Variants in EXOSC9 observed in about 807,000 individuals in gnomAD.
EXOSC9 encodes exosome complex component RRP45.
EXOSC9 carries 38 observed loss-of-function variants against 56.5 expected under a neutral mutation model. That is an observed-to-expected ratio of 0.67 (90% confidence interval 0.52 to 0.88). The LOEUF (loss-of-function observed/expected upper bound fraction) is 0.88, where lower values mean the gene tolerates loss of function less well. Among genes scored for constraint, EXOSC9 ranks in the 40% least tolerant of loss-of-function variants. The pLI is 0.00. For synonymous variants in EXOSC9, 170 were observed against 170.8 expected (o/e 0.99, Z 0.04); for missense variants, 559 against 530.5 (o/e 1.05, Z -0.53).
Position 121,801,803 on chromosome 4 carries a change from TAATG to T in EXOSC9, c.67-16_67-13del, listed in dbSNP as rs748012549. On this transcript the variant is annotated intron_variant, in intron 1 of 11. Coordinates refer to ENST00000243498, the MANE Select transcript of EXOSC9 (RefSeq NM_005033.3). ...AGAAATACTTGTTGAAGGAATAAAT[TAATG>T]AATGAATTTGTGCTTACAGCGGCTG... 3.8e-6 allele frequency: 6 copies of T among 1,578,828 alleles called. No individual in the cohort carries two copies. In the Admixed American group the frequency reaches 1.0e-4, roughly 26 times the overall value.
In EXOSC9 at chr4:121,813,369, T is replaced by G; in HGVS notation, c.963T>G (p.Pro321=). ...AAGAAATCATTGCTGAAGCAGAACC[T>G]CCTTCAGAAGTGTATCTTTATTTGG... ...KAEEIIAEAE[P]PSEVVSTPVL... The change falls in exon 9 of 12, where the codon CCT becomes CCG. Residue 321 remains proline, a synonymous_variant. Transcript: ENST00000243498. 1 of 1,613,036 alleles carries G rather than the reference T, an allele frequency of 6.2e-7. No homozygotes were observed. The highest frequency in any genetic ancestry group is 8.5e-7 in the Non-Finnish European group (1 of 1,179,646).
At chr4:121,816,508 T>C in intron 11 of EXOSC9, 61 bp downstream of exon 11, 7 of 1,129,788 alleles carry the variant, frequency 6.2e-6, no homozygotes, top group Non-Finnish European at 8.9e-6. Context: ...AGAGGTTTGC[T>C]CTCTGGTTTT....
rs887677815 is a variant in EXOSC9, at chr4:121,810,206, T to C, written c.738+107T>C. ...TGGGGATACTTCCAGTGATTTATTCTAGGATGTGTTAGAATCTGGTTTCAG... is the reference window on the plus strand; with the variant it reads ...TGGGGATACTTCCAGTGATTTATTCCAGGATGTGTTAGAATCTGGTTTCAG... On this transcript the variant is annotated intron_variant, in intron 7 of 11. Transcript: ENST00000243498. 15 of 975,290 alleles carry C rather than the reference T, an allele frequency of 1.5e-5. No individual in the cohort carries two copies. In the African/African-American group the frequency reaches 2.3e-4, roughly 15 times the overall value. 60.4% of individuals were successfully genotyped at this position (975,290 alleles called of 1,614,324 possible).
At chr4:121,816,525 A>G in intron 11 of EXOSC9, 78 bp downstream of exon 11, 1 of 960,594 alleles carries the variant, frequency 1.0e-6, no homozygotes. Context: ...TTTTACTCTC[A>G]TCTTGCCACA....
chr4:121,816,685 C>T, intron 11 of EXOSC9, 87 bp from the exon 12 acceptor site: 1 of 1,341,082 alleles, frequency 7.5e-7, no homozygotes, highest in Non-Finnish European at 1.0e-6. Flanking sequence ...ATTTTAGATC[C>T]TACTGGAAAA....
rs746091124 is a variant in EXOSC9, at chr4:121,810,054, T to G, written c.693T>G (p.Ile231Met). Residue 231 changes from isoleucine (I) to methionine (M), a missense_variant, in exon 7 of 12, where the codon ATT (isoleucine) becomes ATG (methionine). Transcript: ENST00000243498. ...LVIAMNKHRE[I>M]CTIQSSGGIM... ...TTGCCATGAACAAACATCGAGAGAT[T>G]TGTACTATCCAGTCCAGTGGTGGGA... The G allele has an allele frequency of 6.2e-7, 1 of 1,614,018 alleles. No individual in the cohort carries two copies. Among genetic ancestry groups the G allele is most frequent in the East Asian group, 2.2e-5 (1 of 44,876 alleles).
At chr4:121,802,826 C>T in intron 3 of EXOSC9, 33 bp downstream of exon 3, 2 of 1,613,190 alleles carry the variant, frequency 1.2e-6, no homozygotes, top group Non-Finnish European at 1.7e-6. Context: ...TTGCTTTAGT[C>T]ATAGGAGAAC....
Position 121,802,974 on chromosome 4 carries a change from A to C in EXOSC9, c.341A>C (p.Lys114Thr). Residue 114 changes from lysine (K) to threonine (T), a missense_variant, in exon 4 of 12, where the codon AAG (lysine) becomes ACG (threonine). Physicochemically the swap from Lys to Thr is moderately conservative, Grantham distance 78. Transcript: ENST00000243498. ...ATGGAAAGATGTCTAAGAAATTCGAAGTGTATAGACACTGAGTCTCTCTGT... is the reference window on the plus strand; with the variant it reads ...ATGGAAAGATGTCTAAGAAATTCGACGTGTATAGACACTGAGTCTCTCTGT... ...RLMERCLRNS[K>T]CIDTESLCVV... The C allele has an allele frequency of 6.2e-7, 1 of 1,614,062 alleles. No homozygotes were observed. The highest frequency in any genetic ancestry group is 8.5e-7 in the Non-Finnish European group (1 of 1,179,926).
chr4:121,803,111 C>T (rs973860311), intron 4 of EXOSC9, 94 bp downstream of exon 4: 3 of 889,450 alleles, frequency 3.4e-6, no homozygotes, highest in Non-Finnish European at 5.4e-6. Flanking sequence ...CTTTAGTTAA[C>T]TCAGTATTGT....
Position 121,816,668 on chromosome 4 carries a change from C to G in EXOSC9, c.1236-104C>G, listed in dbSNP as rs1444229895. ...TCTTGGATGCCAGTCTTACTCATAG[C>G]TGACACATTTTAGATCCTACTGGAA... On this transcript the variant is annotated intron_variant, in intron 11 of 11. Coordinates refer to ENST00000243498, the MANE Select transcript of EXOSC9 (RefSeq NM_005033.3). The G allele has an allele frequency of 3.4e-6, 4 of 1,182,656 alleles. No homozygotes were observed. The African/African-American group carries it at 6.4e-5, about 19-fold the overall frequency. The allele number at this position is 1,182,656 out of a possible 1,614,324, so 73.3% of individuals were successfully genotyped here. A position where few individuals can be genotyped will look rare whatever the true frequency, so the allele number is the denominator to read the frequency against.
chr4:121,801,866 A>G lies in EXOSC9; in HGVS notation c.106A>G (p.Arg36Gly). The change falls in exon 2 of 12, where the codon AGG (arginine) becomes GGG (glycine). Residue 36 changes from arginine to glycine, a missense_variant. Transcript: ENST00000243498. ...ACAAACCTATGATTATAGGAACATC[A>G]GGATCTCATTTGGAACAGATTACGG... ...GRQTYDYRNI[R>G]ISFGTDYGCC... 6.2e-7 allele frequency: 1 copy of G among 1,614,090 alleles called. No homozygotes were observed. Among genetic ancestry groups the G allele is most frequent in the African/African-American group, 1.3e-5 (1 of 75,056 alleles).
chr4:121,811,776 C>A, intron 8 of EXOSC9, 105 bp downstream of exon 8: 2 of 502,650 alleles, frequency 4.0e-6, no homozygotes, highest in Non-Finnish European at 3.5e-6. Flanking sequence ...CTTGATTTCA[C>A]ATACAAAGTT....
intron 10 of EXOSC9, chr4:121,815,074 T>C (rs1724441182): frequency 6.6e-6 from 1 of 152,254 alleles, no homozygotes. Context: ...GTTTTTTTAC[T>C]TAAGTAAATA....
rs752296587 is a variant in EXOSC9, at chr4:121,801,881, A to G, written c.121A>G (p.Thr41Ala). The change falls in exon 2 of 12, where the codon ACA becomes GCA. Residue 41 changes from threonine (T) to alanine (A), a missense_variant. By Grantham distance (58) the Thr-to-Ala change is moderately conservative. Coordinates refer to ENST00000243498, the MANE Select transcript of EXOSC9 (RefSeq NM_005033.3). ...DYRNIRISFG[T>A]DYGCCIVELG... ...TAGGAACATCAGGATCTCATTTGGA[A>G]CAGATTACGGATGCTGCATTGTGGA... is the stretch of plus-strand genomic sequence containing the variant. 4.3e-6 allele frequency: 7 copies of G among 1,614,090 alleles called. No individual in the cohort carries two copies. The highest frequency in any genetic ancestry group is 5.1e-6 in the Non-Finnish European group (6 of 1,179,912).
chr4:121,813,435 A>G (rs1238519501), intron 9 of EXOSC9, 55 bp downstream of exon 9: 4 of 1,490,940 alleles, frequency 2.7e-6, no homozygotes, highest in Non-Finnish European at 3.7e-6. Context: ...TTGGCATTAT[A>G]ATATTAGGCT....
At chr4:121,807,326 T>A (rs1306961720) in intron 5 of EXOSC9, among the ~76,000 whole-genome samples, 1 of 152,168 alleles carries the variant, frequency 6.6e-6, no homozygotes, top group Non-Finnish European at 1.5e-5. Flanking sequence ...ATGTAAATTA[T>A]GTGTCAGTAA....
Position 121,816,439 on chromosome 4 carries a change from G to T in EXOSC9, c.1227G>T (p.Lys409Asn). 1 of 1,569,610 alleles carries T rather than the reference G, an allele frequency of 6.4e-7. No individual in the cohort carries two copies. Among genetic ancestry groups the T allele is most frequent in the Non-Finnish European group, 8.7e-7 (1 of 1,155,492 alleles). The change falls in exon 11 of 12, where the codon AAG becomes AAT. Residue 409 changes from lysine to asparagine, a missense_variant. By Grantham distance (94) the Lys-to-Asn change is moderately conservative (BLOSUM62 0). Transcript: ENST00000243498. ...TTTTGGAACCAGACAAGAATCCAAA[G>T]AAAATAAGGTAACAAATTTCTGGTT... is the stretch of plus-strand genomic sequence containing the variant. ...MIILEPDKNP[K>N]KIRTQTTSAK...
intron 6 of EXOSC9, 135 bp downstream of exon 6, chr4:121,807,757 T>C: frequency 1.6e-6 from 1 of 621,886 alleles, no homozygotes; most frequent in South Asian, 2.1e-5. Flanking sequence ...TTTCTTTCTT[T>C]GTAAGGGCAT....
chr4:121,801,676 T>C, intron 1 of EXOSC9, 151 bp from the exon 2 acceptor site: 1 of 781,704 alleles, frequency 1.3e-6, no homozygotes, highest in South Asian at 1.6e-5. Context: ...ACCGCAGCAG[T>C]TGTCCATGCT....
Sources: allele counts gnomAD v4.1 joint callset (sites outside exome capture counted in the v4.1 genomes callset), GRCh38; gene constraint gnomAD v4.1.1; transcripts MANE v1.5; gene names NCBI Gene and HGNC (gene_info 2026-07-23, HGNC 2026-07-21).